CALN1: variants seen among roughly 807,000 people sequenced by gnomAD.
CALN1 encodes calneuron 1.
CALN1 carries 17 observed loss-of-function variants against 30.6 expected under a neutral mutation model. The observed-to-expected ratio is 0.56, with a 90% confidence interval of 0.38 to 0.83. The LOEUF (loss-of-function observed/expected upper bound fraction) is 0.83, where lower values mean the gene tolerates loss of function less well. Ranked by LOEUF, CALN1 falls within the 40% of genes least tolerant of loss-of-function variation. The pLI, the probability that CALN1 is intolerant of heterozygous loss-of-function variation, is 0.00. For synonymous variants in CALN1, 156 were observed against 131.4 expected, an observed-to-expected ratio of 1.19 and a Z score of -1.28; for missense variants, 291 against 354.9, an observed-to-expected ratio of 0.82 and a Z score of 1.45.
chr7:72,329,677 G>A (rs903176837), intron 2 of CALN1, among the ~76,000 whole-genome samples: 1 of 152,200 alleles, frequency 6.6e-6, no homozygotes, highest in African/African-American at 2.4e-5. Flanking sequence ...TTCTTGGTTG[G>A]GCGCGGTGGC....
chr7:71,930,975 CT>C (rs1161673421), intron 5 of CALN1, among the ~76,000 whole-genome samples: 5 of 152,028 alleles, frequency 3.3e-5, no homozygotes, highest in South Asian at 2.1e-4. Flanking sequence ...GGTCTGCAAA[CT>C]TTTTTTTCTG....
chr7:71,887,265 C>T (rs1792967082), intron 5 of CALN1, among the ~76,000 whole-genome samples: 1 of 152,132 alleles, frequency 6.6e-6, no homozygotes, highest in Admixed American at 6.5e-5. Flanking sequence ...CAGGCACACA[C>T]CACGGATGGT....
At chr7:72,363,569 TAC>T (rs1803693377) in intron 2 of CALN1, among the ~76,000 whole-genome samples, 1 of 140,254 alleles carries the variant, frequency 7.1e-6, no homozygotes, top group Admixed American at 6.9e-5. Flanking sequence ...CACATAAACT[TAC>T]TTTTTTTACA....
intron 2 of CALN1, among the ~76,000 whole-genome samples, chr7:72,307,932 G>T (rs1182833726): frequency 6.6e-6 from 1 of 152,108 alleles, no homozygotes; most frequent in Non-Finnish European, 1.5e-5. Context: ...AACCCAAGAG[G>T]GTGAGTTCAC....
the CALN1 span, among the ~76,000 whole-genome samples, chr7:72,500,269 C>CCTTTTTTT: frequency 3.9e-5 from 2 of 51,364 alleles, no homozygotes; most frequent in Admixed American, 3.1e-4. Context: ...TTCGTTCCTT[C>CCTTTTTTT]TTTTTTTTTT....
At chr7:72,471,494 T>C in the CALN1 span, among the ~76,000 whole-genome samples, 1 of 152,234 alleles carries the variant, frequency 6.6e-6, no homozygotes, top group Non-Finnish European at 1.5e-5. Flanking sequence ...TGCTCTGTGC[T>C]GGTGCTGGAA....
chr7:72,221,527 A>G (rs1793301714), intron 3 of CALN1, among the ~76,000 whole-genome samples: 1 of 152,014 alleles, frequency 6.6e-6, no homozygotes, highest in Admixed American at 6.6e-5. Context: ...AATCACAAAG[A>G]CAAGCAAAGA....
chr7:72,307,266 C>A (rs556436148), intron 2 of CALN1, among the ~76,000 whole-genome samples: 76 of 152,298 alleles, frequency 5.0e-4, no homozygotes, highest in African/African-American at 1.7e-3. Flanking sequence ...ATCCATCATT[C>A]AGATGGAAAG....
intron 5 of CALN1, among the ~76,000 whole-genome samples, chr7:71,928,524 T>C (rs1307442690): frequency 6.6e-6 from 1 of 152,130 alleles, no homozygotes; most frequent in Non-Finnish European, 1.5e-5. Context: ...TCCACGGTTA[T>C]TTGAATCCAT....
intron 5 of CALN1, among the ~76,000 whole-genome samples, chr7:71,909,623 C>A (rs1179797980): frequency 6.6e-6 from 1 of 152,304 alleles, no homozygotes; most frequent in East Asian, 1.9e-4. Flanking sequence ...GTCTGGTGTA[C>A]AATGACAGGC....
chr7:72,048,830 T>C (rs1435609853), intron 4 of CALN1, among the ~76,000 whole-genome samples: 1 of 151,516 alleles, frequency 6.6e-6, no homozygotes, highest in Non-Finnish European at 1.5e-5. Flanking sequence ...TTCGACAGGG[T>C]CTCACTGTGT....
intron 2 of CALN1, among the ~76,000 whole-genome samples, chr7:72,395,000 G>A (rs1805824540): frequency 6.6e-6 from 1 of 152,108 alleles, no homozygotes; most frequent in Non-Finnish European, 1.5e-5. Context: ...TGGTACACAT[G>A]GGAACTGCAC....
At chr7:71,950,863 T>C (rs918782171) in intron 5 of CALN1, among the ~76,000 whole-genome samples, 3 of 152,154 alleles carry the variant, frequency 2.0e-5, no homozygotes. Context: ...GTATCTACTG[T>C]TCCTTCTGCA....
rs370620697 is a variant in CALN1 at position 72,380,262 on chromosome 7, G to C, written c.119+22989C>G. ...CAATGAAAATGAAAGAGTAAACATG[G>C]GGCCTATGAGAAGACACTGCAACAC... is the stretch of plus-strand genomic sequence containing the variant. On this transcript the variant is annotated intron_variant, in intron 2 of 6. Transcript: ENST00000395275. Among the ~76,000 whole-genome samples, 62 of 152,152 alleles carry C rather than the reference G, an allele frequency of 4.1e-4. No homozygotes were observed. The Middle Eastern group carries it at 0.014, about 33-fold the overall frequency.
intron 5 of CALN1, among the ~76,000 whole-genome samples, chr7:71,922,785 T>C (rs1795032086): frequency 7.1e-6 from 1 of 139,866 alleles, no homozygotes; most frequent in African/African-American, 2.6e-5. Flanking sequence ...TATAAATATA[T>C]AACAGACCGA....
intron 5 of CALN1, among the ~76,000 whole-genome samples, chr7:71,870,878 A>T (rs1221899378): frequency 6.6e-6 from 1 of 152,166 alleles, no homozygotes; most frequent in Non-Finnish European, 1.5e-5. Context: ...ACTGCTGAGC[A>T]CTAGGTGGGA....
intron 2 of CALN1, among the ~76,000 whole-genome samples, chr7:72,307,135 G>C (rs2129556081): frequency 6.6e-6 from 1 of 152,196 alleles, no homozygotes; most frequent in South Asian, 2.1e-4. Flanking sequence ...ACTCAAATTA[G>C]CCCTATCTCA....
chr7:71,890,293 C>T (rs1483453079), intron 5 of CALN1, among the ~76,000 whole-genome samples: 1 of 152,106 alleles, frequency 6.6e-6, no homozygotes, highest in African/African-American at 2.4e-5. Context: ...AGGAACAGAA[C>T]CCAAGACGGG....
intron 4 of CALN1, among the ~76,000 whole-genome samples, chr7:72,056,258 G>A (rs1019361401): frequency 6.6e-6 from 1 of 151,830 alleles, no homozygotes; most frequent in African/African-American, 2.4e-5. Flanking sequence ...AGAATGAGCA[G>A]GAAAGAAAAC....
Sources: allele counts gnomAD v4.1 joint callset (sites outside exome capture counted in the v4.1 genomes callset), GRCh38; gene constraint gnomAD v4.1.1; transcripts MANE v1.5; gene names NCBI Gene and HGNC (gene_info 2026-07-23, HGNC 2026-07-21).